Variants in MTMR9 observed in about 807,000 individuals in gnomAD.
MTMR9 encodes myotubularin-related protein 9.
A neutral mutation model predicts 69.5 loss-of-function variants in MTMR9; 39 were observed. The ratio of observed to expected loss-of-function variants is 0.56; its 90% confidence interval spans 0.43 to 0.73. The LOEUF (loss-of-function observed/expected upper bound fraction) is 0.73, where lower values mean the gene tolerates loss of function less well. Among genes scored for constraint, MTMR9 ranks in the 30% least tolerant of loss-of-function variants. The probability of loss-of-function intolerance (pLI) is 0.00; values close to 1 mark genes in which losing one functional copy is unlikely to be tolerated. For synonymous variants in MTMR9, 354 were observed against 240.8 expected, an observed-to-expected ratio of 1.47 and a Z score of -4.35; for missense variants, 900 against 671.2, an observed-to-expected ratio of 1.34 and a Z score of -3.77.
At chr8:11,315,297 C>T (rs1289528357) in intron 7 of MTMR9, among the ~76,000 whole-genome samples, 2 of 152,174 alleles carry the variant, frequency 1.3e-5, no homozygotes. Flanking sequence ...TGTGCTTTAT[C>T]ACATACAGGA....
intron 2 of MTMR9, chr8:11,298,900 T>TA (rs1416754887): frequency 4.1e-6 from 4 of 983,472 alleles, no homozygotes; most frequent in Non-Finnish European, 4.8e-6. Flanking sequence ...TTGGGGCTGA[T>TA]AGAGTTATTG....
At chr8:11,329,458 C>T (rs1273618094), downstream of MTMR9, among the ~76,000 whole-genome samples, 1 of 152,242 alleles carries the variant, frequency 6.6e-6, no homozygotes, top group Admixed American at 6.5e-5. Context: ...CCATTGCAGG[C>T]TCGCGCCGCC....
the MTMR9 span, among the ~76,000 whole-genome samples, chr8:11,335,905 G>T: frequency 3.3e-5 from 5 of 152,038 alleles, no homozygotes; most frequent in Admixed American, 2.6e-4. Flanking sequence ...TCCAAATAAG[G>T]TTATGTTCTG....
intron 6 of MTMR9, among the ~76,000 whole-genome samples, chr8:11,314,721 G>C (rs1482650084): frequency 6.6e-6 from 1 of 152,184 alleles, no homozygotes. Flanking sequence ...TTTTTCCCAA[G>C]AGAATCTTAT....
At chr8:11,331,187 G>T (rs369303318), downstream of MTMR9, 11 of 1,613,646 alleles carry the variant, frequency 6.8e-6, no homozygotes, top group African/African-American at 1.3e-4. Context: ...GCCTCCGCTG[G>T]CACCAGCGCT....
Position 11,295,313 on chromosome 8 carries a change from TGGAA to T in MTMR9, c.291+13_291+16del. 7.0e-7 allele frequency: 1 copy of T among 1,425,548 alleles called. No individual in the cohort carries two copies. The highest frequency in any genetic ancestry group is 9.9e-7 in the Non-Finnish European group (1 of 1,013,460). The allele number at this position is 1,425,548 out of a possible 1,614,324, so 88.3% of individuals were successfully genotyped here. A position where few individuals can be genotyped will look rare whatever the true frequency, so the allele number is the denominator to read the frequency against. The stretch of plus-strand genomic sequence containing the variant: ...GCCAGTTCCATTGAGGTAAGTATTT[TGGAA>T]GCAAAATCTAATGAAACATAATTTT... On this transcript the variant is annotated intron_variant, in intron 2 of 9. Transcript: ENST00000221086.
At chr8:11,305,900 A>G (rs181013229) in intron 4 of MTMR9, among the ~76,000 whole-genome samples, 1 of 152,312 alleles carries the variant, frequency 6.6e-6, no homozygotes, top group African/African-American at 2.4e-5. Context: ...GTCTACAGGT[A>G]TTTGATTCAC....
At chr8:11,290,688 A>T (rs10111339) in intron 1 of MTMR9, among the ~76,000 whole-genome samples, 2,650 of 152,196 alleles carry the variant, frequency 0.017, 33 homozygotes, top group South Asian at 0.043. Flanking sequence ...ATCACGTGAC[A>T]ACCCAACCTT....
At chr8:11,286,205 G>A (rs1563261601) in intron 1 of MTMR9, among the ~76,000 whole-genome samples, 1 of 151,576 alleles carries the variant, frequency 6.6e-6, no homozygotes, top group Non-Finnish European at 1.5e-5. Context: ...TCCCGCCTAG[G>A]CCTCCCACAG....
chr8:11,299,856 A>G (rs960608376), intron 2 of MTMR9, among the ~76,000 whole-genome samples, 167 bp from the exon 3 acceptor site: 51 of 152,220 alleles, frequency 3.4e-4, no homozygotes, highest in African/African-American at 1.2e-3. Flanking sequence ...CAAAGAAATC[A>G]GCTTCAGTAA....
chr8:11,287,711 ATT>A (rs1435681473), intron 1 of MTMR9, among the ~76,000 whole-genome samples: 1 of 135,656 alleles, frequency 7.4e-6, no homozygotes, highest in Non-Finnish European at 1.5e-5. Flanking sequence ...TATTATATAT[ATT>A]ATAATATATA....
chr8:11,296,228 C>A (rs139357357), intron 2 of MTMR9, among the ~76,000 whole-genome samples: 200 of 152,134 alleles, frequency 1.3e-3, no homozygotes, highest in African/African-American at 4.6e-3. Context: ...GATTTGTTTT[C>A]TACGTTTTAT....
Position 11,291,082 on chromosome 8 carries a change from G to T in MTMR9, c.183-4112G>T, listed in dbSNP as rs189715481. Among the ~76,000 whole-genome samples the T allele has an allele frequency of 3.9e-4, 60 of 151,996 alleles. 2 individuals carry two copies. Among genetic ancestry groups the T allele is most frequent in the Admixed American group, 3.3e-3 (50 of 15,264 alleles). ...TATAACTGTAGTGTAATCAAAATGA[G>T]GACAAAATTAGGACATTGACATTGG... On this transcript the variant is annotated intron_variant, in intron 1 of 9. Coordinates refer to ENST00000221086, the MANE Select transcript of MTMR9 (RefSeq NM_015458.4).
chr8:11,336,711 C>T, the MTMR9 span, among the ~76,000 whole-genome samples: 7 of 152,046 alleles, frequency 4.6e-5, no homozygotes, highest in Admixed American at 1.3e-4. Flanking sequence ...CTCTGTGTGC[C>T]GGTCATAAGG....
At chr8:11,331,105 A>C (rs1801201658), downstream of MTMR9, 4 of 1,587,958 alleles carry the variant, frequency 2.5e-6, no homozygotes, top group Non-Finnish European at 3.4e-6. Context: ...GTCCAAGGAA[A>C]GATGGCTGGC....
At chr8:11,315,788 A>G (rs1800390541) in intron 7 of MTMR9, 1 of 152,280 alleles carries the variant, frequency 6.6e-6, no homozygotes, top group African/African-American at 2.4e-5. Flanking sequence ...TTTATGCTCC[A>G]TATTTGATGA....
chr8:11,297,710 A>C (rs1172246483), intron 2 of MTMR9, among the ~76,000 whole-genome samples: 1 of 152,134 alleles, frequency 6.6e-6, no homozygotes, highest in East Asian at 1.9e-4. Context: ...GACGCTGATC[A>C]GTTGTTTAAG....
Position 11,316,472 on chromosome 8 carries a change from T to C in MTMR9, c.1114-201T>C, listed in dbSNP as rs79301887. On this transcript the variant is annotated intron_variant, in intron 7 of 9. Coordinates refer to ENST00000221086, the MANE Select transcript of MTMR9 (RefSeq NM_015458.4). Reference sequence around the variant, plus strand: ...TTAGCCGCGCAGCCTCATTAAGGATTTGGAAGTGTGTCTTTTTCCTTAGTT... The same window carrying C: ...TTAGCCGCGCAGCCTCATTAAGGATCTGGAAGTGTGTCTTTTTCCTTAGTT... 664 of 425,536 alleles carry C rather than the reference T, an allele frequency of 1.6e-3. 9 individuals carry two copies. In the East Asian group the frequency reaches 0.023, roughly 15 times the overall value. 26.4% of individuals were successfully genotyped at this position (425,536 alleles called of 1,614,324 possible). A position where few individuals can be genotyped will look rare whatever the true frequency, so the allele number is the denominator to read the frequency against.
downstream of MTMR9, among the ~76,000 whole-genome samples, chr8:11,330,350 T>G (rs555307606): frequency 2.0e-5 from 3 of 151,374 alleles, no homozygotes; most frequent in East Asian, 6.0e-4. Flanking sequence ...GGGGGGCGCC[T>G]CTGCCCGGCT....
Sources: allele counts gnomAD v4.1 joint callset (sites outside exome capture counted in the v4.1 genomes callset), GRCh38; gene constraint gnomAD v4.1.1; transcripts MANE v1.5; gene names NCBI Gene and HGNC (gene_info 2026-07-23, HGNC 2026-07-21).